BMPR1B: variants seen among roughly 807,000 people sequenced by gnomAD.
The protein encoded by BMPR1B is bone morphogenetic protein receptor type-1B.
Under a neutral mutation model 59.1 loss-of-function variants are expected in BMPR1B, and 12 were observed. The observed-to-expected ratio is 0.20, with a 90% CI of 0.13 to 0.33. The LOEUF (loss-of-function observed/expected upper bound fraction) is 0.33. Ranked by LOEUF, BMPR1B falls within the 10% of genes least tolerant of loss-of-function variation. The probability of loss-of-function intolerance (pLI) is 1.00; values close to 1 mark genes in which losing one functional copy is unlikely to be tolerated. For missense variants in BMPR1B, 550 were observed against 610.9 expected (o/e 0.90, Z 1.05); for synonymous variants, 237 against 207.3 (o/e 1.14, Z -1.23).
chr4:95,117,718 C>T (rs747184393), intron 6 of BMPR1B, among the ~76,000 whole-genome samples: 4 of 151,906 alleles, frequency 2.6e-5, no homozygotes, highest in East Asian at 1.9e-4. Context: ...CCCGGAAGTT[C>T]GACATTACAT....
At chr4:95,129,344 C>T (rs1394918617) in intron 8 of BMPR1B, among the ~76,000 whole-genome samples, 2 of 152,064 alleles carry the variant, frequency 1.3e-5, no homozygotes, top group Non-Finnish European at 2.9e-5. Flanking sequence ...CTTGGTTTAT[C>T]GTTCCCTGGT....
intron 2 of BMPR1B, among the ~76,000 whole-genome samples, chr4:94,888,201 A>G (rs532596284): frequency 6.6e-5 from 10 of 152,252 alleles, no homozygotes; most frequent in African/African-American, 2.2e-4. Context: ...GTAAGAGTTT[A>G]TGGAATTTTC....
intron 2 of BMPR1B, among the ~76,000 whole-genome samples, chr4:94,910,802 C>T (rs1016015757): frequency 6.6e-6 from 1 of 151,946 alleles, no homozygotes; most frequent in African/African-American, 2.4e-5. Flanking sequence ...GTCTCAGCTG[C>T]TCAGGAGGCG....
At chr4:94,890,781 C>G (rs1199827829) in intron 2 of BMPR1B, among the ~76,000 whole-genome samples, 2 of 151,920 alleles carry the variant, frequency 1.3e-5, no homozygotes, top group Non-Finnish European at 2.9e-5. Flanking sequence ...CTTGTAAGGG[C>G]ACTAATCCCA....
chr4:94,880,496 T>G (rs565644206), intron 2 of BMPR1B, among the ~76,000 whole-genome samples: 2 of 152,074 alleles, frequency 1.3e-5, no homozygotes, highest in East Asian at 3.9e-4. Context: ...TAATTTTGTT[T>G]TGTTTTTCTG....
At chr4:95,064,545 A>G (rs116598085) in intron 3 of BMPR1B, among the ~76,000 whole-genome samples, 2,884 of 152,266 alleles carry the variant, frequency 0.019, 30 homozygotes, top group South Asian at 0.024. Flanking sequence ...TGGTGCCGCA[A>G]AGACTGAGGA....
intron 4 of BMPR1B, among the ~76,000 whole-genome samples, chr4:95,111,804 A>G (rs1382431970): frequency 6.6e-6 from 1 of 152,122 alleles, no homozygotes; most frequent in Admixed American, 6.6e-5. Flanking sequence ...TAAGGAGCCT[A>G]GAACCTGTAT....
chr4:94,902,088 G>GTGTGTGTGTGTGTGTGTGTGTGT (rs201783533), intron 2 of BMPR1B, among the ~76,000 whole-genome samples: 3 of 119,874 alleles, frequency 2.5e-5, no homozygotes, highest in African/African-American at 1.0e-4. Flanking sequence ...TGTGTGTGTG[G>GTGTGTGTGTGTGTGTGTGTGTGT]GGTGTATTTA....
chr4:94,883,328 C>T (rs1727053428), intron 2 of BMPR1B, among the ~76,000 whole-genome samples: 1 of 152,114 alleles, frequency 6.6e-6, no homozygotes. Flanking sequence ...AGTCTCTGTT[C>T]AAACAAGACA....
chr4:94,987,916 TG>T (rs1485197102), intron 2 of BMPR1B, among the ~76,000 whole-genome samples: 2 of 152,188 alleles, frequency 1.3e-5, no homozygotes, highest in Non-Finnish European at 2.9e-5. Flanking sequence ...TTGTTTAAAA[TG>T]TCAGATAATG....
At chr4:94,970,375 G>T (rs1730743392) in intron 2 of BMPR1B, among the ~76,000 whole-genome samples, 1 of 151,268 alleles carries the variant, frequency 6.6e-6, no homozygotes, top group South Asian at 2.1e-4. Flanking sequence ...GAGTGTGGTG[G>T]CACGATCTCG....
chr4:95,153,656 C>G (rs1735214851), intron 12 of BMPR1B, among the ~76,000 whole-genome samples: 1 of 152,124 alleles, frequency 6.6e-6, no homozygotes, highest in Non-Finnish European at 1.5e-5. Context: ...CGAGACCAGC[C>G]TGGCCAATAT....
chr4:95,131,179 G>GA, intron 9 of BMPR1B, 36 bp from the exon 10 acceptor site: 5 of 1,588,668 alleles, frequency 3.1e-6, no homozygotes, highest in Non-Finnish European at 4.3e-6. Flanking sequence ...ATACTATTTG[G>GA]AAAACACTAA....
chr4:95,024,768 T>G (rs776681396), intron 3 of BMPR1B, among the ~76,000 whole-genome samples: 9 of 152,114 alleles, frequency 5.9e-5, no homozygotes, highest in Non-Finnish European at 1.0e-4. Context: ...AAGTTGGTAG[T>G]TACTTTTACT....
At chr4:95,150,341 G>A (rs1176374777) in intron 11 of BMPR1B, among the ~76,000 whole-genome samples, 1 of 151,944 alleles carries the variant, frequency 6.6e-6, no homozygotes, top group East Asian at 1.9e-4. Context: ...GAGTAGATAA[G>A]CCTCACGTTT....
At chr4:94,913,585 T>C (rs1728369986) in intron 2 of BMPR1B, among the ~76,000 whole-genome samples, 1 of 152,162 alleles carries the variant, frequency 6.6e-6, no homozygotes, top group South Asian at 2.1e-4. Context: ...GTGTGGAGTC[T>C]CAGAAGGTGA....
chr4:95,052,552 A>G (rs1005727845), intron 3 of BMPR1B, among the ~76,000 whole-genome samples: 1 of 152,154 alleles, frequency 6.6e-6, no homozygotes, highest in Admixed American at 6.6e-5. Flanking sequence ...TGAGATTGAA[A>G]TGTATTTAAA....
intron 6 of BMPR1B, among the ~76,000 whole-genome samples, chr4:95,123,571 C>G (rs1389749851): frequency 6.6e-6 from 1 of 152,060 alleles, no homozygotes; most frequent in Non-Finnish European, 1.5e-5. Context: ...GAGCCTGTTC[C>G]TTCCAGACAG....
chr4:94,973,844 T>C (rs575344749), intron 2 of BMPR1B, among the ~76,000 whole-genome samples: 7 of 152,328 alleles, frequency 4.6e-5, no homozygotes, highest in African/African-American at 1.7e-4. Context: ...ACTCTTTGAT[T>C]ATGCAGAATT....
Sources: gnomAD v4.1 joint callset for allele counts (sites outside exome capture counted in the v4.1 genomes callset) on GRCh38, gnomAD v4.1.1 for gene constraint, MANE v1.5 for transcripts, NCBI Gene and HGNC (gene_info 2026-07-23, HGNC 2026-07-21) for gene names.